COPG2: variants seen among roughly 807,000 people sequenced by gnomAD.
COPG2 encodes the protein coat protein complex I subunit gamma 2, also known as coatomer subunit gamma-2.
COPG2 carries 37 observed loss-of-function variants against 46.3 expected under a neutral mutation model. The ratio of observed to expected loss-of-function variants is 0.80; its 90% CI spans 0.61 to 1.05. COPG2 has a LOEUF of 1.05. COPG2 is among the 50% of genes least tolerant of loss of function. The probability of loss-of-function intolerance (pLI) is 0.00; values close to 1 mark genes in which losing one functional copy is unlikely to be tolerated. For missense variants in COPG2, 427 were observed against 387.8 expected, an observed-to-expected ratio of 1.10 and a Z score of -0.85; for synonymous variants, 159 against 129.7, an observed-to-expected ratio of 1.23 and a Z score of -1.53.
intron 20 of COPG2, among the ~76,000 whole-genome samples, chr7:130,542,924 T>C (rs1219881004): frequency 6.6e-6 from 1 of 152,146 alleles, no homozygotes; most frequent in Non-Finnish European, 1.5e-5. Context: ...GTATGTTCGG[T>C]ATCATGGCTG....
At chr7:130,516,305 G>C (rs1410941407) in intron 20 of COPG2, among the ~76,000 whole-genome samples, 6 of 152,134 alleles carry the variant, frequency 3.9e-5, no homozygotes, top group African/African-American at 1.4e-4. Context: ...AGGCTTATCT[G>C]AAGAGTAGAA....
chr7:130,556,938 C>G (rs1308100912), intron 12 of COPG2, among the ~76,000 whole-genome samples: 1 of 152,088 alleles, frequency 6.6e-6, no homozygotes, highest in Admixed American at 6.5e-5. Flanking sequence ...GAAAGGCATT[C>G]CCATTGAGGT....
intron 5 of COPG2, among the ~76,000 whole-genome samples, chr7:130,646,623 G>A (rs941955441): frequency 9.9e-5 from 15 of 152,102 alleles, no homozygotes; most frequent in Middle Eastern, 3.4e-3. Context: ...CATCTCCACC[G>A]AAATCTCATC....
intron 20 of COPG2, among the ~76,000 whole-genome samples, chr7:130,528,171 C>G (rs955585735): frequency 6.6e-6 from 1 of 151,584 alleles, no homozygotes; most frequent in Non-Finnish European, 1.5e-5. Context: ...AGACTGGGTG[C>G]GTTTGTACCC....
intron 6 of COPG2, among the ~76,000 whole-genome samples, chr7:130,614,659 A>T (rs1794915506): frequency 6.6e-6 from 1 of 152,164 alleles, no homozygotes; most frequent in Admixed American, 6.5e-5. Context: ...GACTAATCAG[A>T]TTCTCTCTCT....
chr7:130,537,513 G>A (rs1799892369), intron 20 of COPG2, among the ~76,000 whole-genome samples: 1 of 150,298 alleles, frequency 6.7e-6, no homozygotes, highest in African/African-American at 2.4e-5. Flanking sequence ...CAGTAGAGGA[G>A]GAAAGCAGGA....
intron 5 of COPG2, among the ~76,000 whole-genome samples, chr7:130,640,113 A>G (rs1795435051): frequency 6.6e-6 from 1 of 151,670 alleles, no homozygotes; most frequent in African/African-American, 2.4e-5. Flanking sequence ...CAAACAAACA[A>G]ACAAGGATTC....
At chr7:130,566,099 A>G (rs1429113189) in intron 9 of COPG2, among the ~76,000 whole-genome samples, 2 of 152,234 alleles carry the variant, frequency 1.3e-5, no homozygotes, top group African/African-American at 4.8e-5. Context: ...AAGAGGCTCA[A>G]AAAGTCTCAA....
intron 5 of COPG2, among the ~76,000 whole-genome samples, chr7:130,631,871 T>C (rs1173730557): frequency 6.6e-6 from 1 of 152,210 alleles, no homozygotes; most frequent in Non-Finnish European, 1.5e-5. Flanking sequence ...TCATTATCAT[T>C]TTCATCCTGG....
chr7:130,591,922 A>G (rs1206423620), intron 9 of COPG2, among the ~76,000 whole-genome samples: 1 of 152,188 alleles, frequency 6.6e-6, no homozygotes, highest in Non-Finnish European at 1.5e-5. Flanking sequence ...CATTGAGAAC[A>G]GGCCATGATG....
chr7:130,587,182 C>T lies in COPG2; in HGVS notation c.738-22789G>A, dbSNP rs1584985312. 5.3e-5 allele frequency among the ~76,000 whole-genome samples: 8 copies of T among 151,930 alleles called. No homozygotes were observed. The South Asian group carries it at 1.7e-3, about 32-fold the overall frequency. ...ATTAGCCAGGCATGGTGGCGCATGC[C>T]TGTAATCCCAGCTACCCGGGAGGCT... On this transcript the variant is annotated intron_variant, in intron 9 of 23. Coordinates refer to ENST00000425248, the MANE Select transcript of COPG2 (RefSeq NM_012133.6).
chr7:130,509,027 CCA>C, intron 20 of COPG2: 1 of 447,346 alleles, frequency 2.2e-6, no homozygotes, highest in Non-Finnish European at 4.3e-6. Flanking sequence ...TAGGACCTGA[CCA>C]AAAAAAAAAA....
chr7:130,570,682 CCA>C (rs1166982734), intron 9 of COPG2, among the ~76,000 whole-genome samples: 1 of 151,390 alleles, frequency 6.6e-6, no homozygotes, highest in African/African-American at 2.4e-5. Context: ...CTTCACAGAA[CCA>C]CACACACACA....
rs569523411 is a variant in COPG2 at position 130,651,406 on chromosome 7, T to G, written c.323+1463A>C. ...ATCTCGGCTCACCGCAATCTCCACCTCCCAGGCTCCAGCGATTCTCCCGCC... is the reference window on the plus strand; with the variant it reads ...ATCTCGGCTCACCGCAATCTCCACCGCCCAGGCTCCAGCGATTCTCCCGCC... On this transcript the variant is annotated intron_variant, in intron 5 of 23. Transcript: ENST00000425248. Among the ~76,000 whole-genome samples, 9 of 148,358 alleles carry G rather than the reference T, an allele frequency of 6.1e-5. No homozygotes were observed. The South Asian group carries it at 1.7e-3, about 28-fold the overall frequency.
At chr7:130,569,625 C>T (rs1430178053) in intron 9 of COPG2, among the ~76,000 whole-genome samples, 1 of 152,094 alleles carries the variant, frequency 6.6e-6, no homozygotes, top group Non-Finnish European at 1.5e-5. Context: ...TTATATCAGA[C>T]ATTCAAAGAA....
intron 1 of COPG2, 61 bp from the exon 2 acceptor site, chr7:130,667,595 T>G: frequency 7.3e-7 from 1 of 1,375,382 alleles, no homozygotes; most frequent in South Asian, 1.2e-5. Flanking sequence ...ACTTATATAC[T>G]TTCCAGAGAA....
intron 4 of COPG2, among the ~76,000 whole-genome samples, chr7:130,657,469 G>A (rs1471631564): frequency 4.6e-5 from 7 of 151,936 alleles, no homozygotes; most frequent in African/African-American, 1.2e-4. Flanking sequence ...TGTCCCCTTC[G>A]GTTAAGGAAA....
rs1795506568 is a variant in COPG2, at chr7:130,642,255, T to TC, written c.323+10613dup. Among the ~76,000 whole-genome samples the TC allele has an allele frequency of 2.0e-5, 3 of 151,720 alleles. No individual in the cohort carries two copies. The South Asian group carries it at 6.3e-4, about 32-fold the overall frequency. ...ACACTAACTACATCTCTTTTTTTTT[T>TC]CACCGAGCTGTAATTTATACAATAA... On this transcript the variant is annotated intron_variant, in intron 5 of 23. Transcript: ENST00000425248.
At chr7:130,650,304 T>C (rs1299835258) in intron 5 of COPG2, among the ~76,000 whole-genome samples, 2 of 152,184 alleles carry the variant, frequency 1.3e-5, no homozygotes, top group African/African-American at 4.8e-5. Flanking sequence ...GTCCTAGGAA[T>C]TGGGACGTGG....
Sources: allele counts gnomAD v4.1 joint callset (sites outside exome capture counted in the v4.1 genomes callset), GRCh38; gene constraint gnomAD v4.1.1; transcripts MANE v1.5; gene names NCBI Gene and HGNC (gene_info 2026-07-23, HGNC 2026-07-21).